The following HEXD variants were observed in gnomAD, a reference collection of about 807,000 sequenced individuals.
The protein encoded by HEXD is hexosaminidase D.
A neutral mutation model predicts 54.2 loss-of-function variants in HEXD; 47 were observed. The observed-to-expected ratio is 0.87, with a 90% CI of 0.69 to 1.11. HEXD has a LOEUF of 1.11. Among genes scored for constraint, HEXD ranks in the 50% least tolerant of loss-of-function variants. The pLI is 0.00. For synonymous variants in HEXD, 293 were observed against 287.6 expected, an observed-to-expected ratio of 1.02 and a Z score of -0.19; for missense variants, 576 against 649.2, an observed-to-expected ratio of 0.89 and a Z score of 1.23.
intron 9 of HEXD, 129 bp downstream of exon 9, chr17:82,439,842 C>T (rs2053878492): frequency 2.6e-6 from 4 of 1,560,000 alleles, no homozygotes; most frequent in South Asian, 1.1e-5. Flanking sequence ...GGAGGATGGT[C>T]TCACCGCCCC....
At chr17:82,432,102 C>T (rs1405930762) in intron 4 of HEXD, among the ~76,000 whole-genome samples, 1 of 152,154 alleles carries the variant, frequency 6.6e-6, no homozygotes, top group Non-Finnish European at 1.5e-5. Flanking sequence ...AGGGTTTGGG[C>T]AGAGGTTGTG....
chr17:82,436,766 T>G, intron 7 of HEXD, 28 bp downstream of exon 7: 2 of 1,599,396 alleles, frequency 1.3e-6, no homozygotes, highest in Non-Finnish European at 1.7e-6. Context: ...GGGGGTGTGT[T>G]GTCCTGGCCA....
At chr17:82,425,077 A>AAGGCTGGAGG (rs2053365518) in intron 3 of HEXD, among the ~76,000 whole-genome samples, 2 of 127,236 alleles carry the variant, frequency 1.6e-5, no homozygotes, top group Admixed American at 7.9e-5. Context: ...AAGGCTGGAG[A>AAGGCTGGAGG]AGGCTGGAGG....
intron 3 of HEXD, among the ~76,000 whole-genome samples, chr17:82,427,665 C>T (rs972661116): frequency 2.6e-5 from 4 of 152,148 alleles, no homozygotes; most frequent in African/African-American, 7.2e-5. Context: ...AGTAAAGTAC[C>T]AGGGTTCCTT....
rs764512990 is a variant in HEXD at position 82,442,459 on chromosome 17, G to A, written c.*75G>A. ...CACTGCCAAATGGCCTGGGCAATACGGGCCCACGTGGGCGTCGTGCCCTCT... is the reference window on the plus strand; with the variant it reads ...CACTGCCAAATGGCCTGGGCAATACAGGCCCACGTGGGCGTCGTGCCCTCT... On this transcript the variant is annotated 3_prime_UTR_variant, in exon 13 of 13. Coordinates refer to ENST00000327949, the MANE Select transcript of HEXD (RefSeq NM_001330542.2). This position sits in a 1 kb window ranked among gnomAD's most constrained non-coding sequence, Gnocchi z 6.8. The A allele has an allele frequency of 7.5e-6, 12 of 1,608,082 alleles. No homozygotes were observed. Among genetic ancestry groups the A allele is most frequent in the East Asian group, 4.5e-5 (2 of 44,628 alleles).
At chr17:82,424,923 A>AGAGAAGGCTG (rs766213754) in intron 3 of HEXD, among the ~76,000 whole-genome samples, 12 of 151,878 alleles carry the variant, frequency 7.9e-5, no homozygotes, top group African/African-American at 1.7e-4. Context: ...GGAGAAGGCT[A>AGAGAAGGCTG]GAGAAGGCTG....
At chr17:82,426,840 A>AT (rs1335451555) in intron 3 of HEXD, 1 of 152,010 alleles carries the variant, frequency 6.6e-6, no homozygotes, top group Non-Finnish European at 1.5e-5. Context: ...AAATACAAAA[A>AT]TTAGCTGGGC....
In HEXD at chr17:82,418,443, T is replaced by C; in HGVS notation, c.-349T>C. On this transcript the variant is annotated 5_prime_UTR_variant, in exon 1 of 13. Coordinates refer to ENST00000327949, the MANE Select transcript of HEXD (RefSeq NM_001330542.2). ...CGGTTCCGGCGCTCGGCCGCTCCGT[T>C]GCCCTCGGGCGCCTTGGTTGCGGCC... 6.8e-7 allele frequency: 1 copy of C among 1,477,596 alleles called. No individual in the cohort carries two copies. The highest frequency in any genetic ancestry group is 8.9e-7 in the Non-Finnish European group (1 of 1,120,144). The allele number at this position is 1,477,596 out of a possible 1,614,324, so 91.5% of individuals were successfully genotyped here.
At position 82,418,503 on chromosome 17, in the gene HEXD, G is replaced by C. The variant is rs1485326212; in HGVS notation, c.-289G>C. ...GGAGCCATCGGACCAGGCCGCCGCG[G>C]AGCCGGGCCGGACGCGGGCGCCAGG... On this transcript the variant is annotated 5_prime_UTR_variant, in exon 1 of 13. Coordinates refer to ENST00000327949, the MANE Select transcript of HEXD (RefSeq NM_001330542.2). 1.5e-6 allele frequency: 2 copies of C among 1,340,228 alleles called. No individual in the cohort carries two copies. The highest frequency in any genetic ancestry group is 1.5e-5 in the African/African-American group (1 of 64,920). 83.0% of individuals were successfully genotyped at this position (1,340,228 alleles called of 1,614,324 possible). A position where few individuals can be genotyped will look rare whatever the true frequency, so the allele number is the denominator to read the frequency against.
chr17:82,437,241 G>T lies in HEXD; in HGVS notation c.777G>T (p.Thr259=), dbSNP rs752174503. ...LWAASAFKGA[T]GPSQAVPPVE... ...CAGCCAGTGCCTTCAAGGGTGCCAC[G>T]GGGCCCAGCCAGGCCGTGCCCCCTG... Residue 259 remains threonine, a synonymous_variant, in exon 8 of 13, where the codon ACG becomes ACT. Coordinates refer to ENST00000327949, the MANE Select transcript of HEXD (RefSeq NM_001330542.2). The T allele has an allele frequency of 6.2e-7, 1 of 1,611,050 alleles. No homozygotes were observed. The highest frequency in any genetic ancestry group is 1.3e-5 in the African/African-American group (1 of 74,892).
At position 82,419,743 on chromosome 17, in the gene HEXD, C is replaced by A; in HGVS notation, c.-51-6C>A. 1 of 1,093,642 alleles carries A rather than the reference C, an allele frequency of 9.1e-7. No homozygotes were observed. Among genetic ancestry groups the A allele is most frequent in the East Asian group, 2.4e-5 (1 of 41,184 alleles). The allele number at this position is 1,093,642 out of a possible 1,614,324, so 67.7% of individuals were successfully genotyped here. On this transcript the variant is annotated splice_polypyrimidine_tract_variant and splice_region_variant and intron_variant, in intron 1 of 12. Coordinates refer to ENST00000327949, the MANE Select transcript of HEXD (RefSeq NM_001330542.2). ...CCTGTTGATAACTCTTGATTTTCTC[C>A]ACTAGGAAGAAGTCCCCAAGGAGAC...
intron 4 of HEXD, among the ~76,000 whole-genome samples, chr17:82,431,052 G>A (rs113245404): frequency 0.018 from 2,809 of 152,168 alleles, 98 homozygotes; most frequent in African/African-American, 0.065. Context: ...AGGCTGGAGC[G>A]CGTGGTACAA....
At chr17:82,440,299 C>T (rs1176194293) in intron 9 of HEXD, 22 of 1,267,942 alleles carry the variant, frequency 1.7e-5, no homozygotes, top group Middle Eastern at 3.1e-4. Context: ...GAGCGGGACC[C>T]GCAGGCGCGG....
chr17:82,423,827 AAG>A (rs202071866), intron 2 of HEXD, among the ~76,000 whole-genome samples: 37 of 151,148 alleles, frequency 2.4e-4, no homozygotes, highest in African/African-American at 8.7e-4. Flanking sequence ...AAAAAAAAAA[AAG>A]AGAGAAAGAC....
chr17:82,428,426 G>A (rs2053481976), intron 3 of HEXD, 132 bp from the exon 4 acceptor site: 3 of 676,624 alleles, frequency 4.4e-6, no homozygotes, highest in East Asian at 2.6e-5. Flanking sequence ...TACCTGTCAA[G>A]CTTTGTGGAG....
In HEXD at chr17:82,418,482, C is replaced by T. The variant is rs1178267200; in HGVS notation, c.-310C>T. 3 of 1,450,680 alleles carry T rather than the reference C, an allele frequency of 2.1e-6. No individual in the cohort carries two copies. Among genetic ancestry groups the T allele is most frequent in the South Asian group, 2.7e-5 (2 of 75,454 alleles). 89.9% of individuals were successfully genotyped at this position (1,450,680 alleles called of 1,614,324 possible). ...TTGGTTGCGGCCCTCCGCTGAGGAG[C>T]CATCGGACCAGGCCGCCGCGGAGCC... On this transcript the variant is annotated 5_prime_UTR_variant, in exon 1 of 13. Transcript: ENST00000327949.
At chr17:82,436,066 G>A (rs1440914382) in intron 6 of HEXD, among the ~76,000 whole-genome samples, 194 bp downstream of exon 6, 1 of 152,268 alleles carries the variant, frequency 6.6e-6, no homozygotes, top group East Asian at 1.9e-4. Flanking sequence ...GGTTTGGGCA[G>A]GAGAGCACAG....
Position 82,440,420 on chromosome 17 carries a change from A to G in HEXD, c.983-577A>G, listed in dbSNP as rs1483430507. ...AAAGGGGCAGAAACGATAAAAACAGACACCCCTGTACCCCACACTAAAGAG... is the reference window on the plus strand; with the variant it reads ...AAAGGGGCAGAAACGATAAAAACAGGCACCCCTGTACCCCACACTAAAGAG... On this transcript the variant is annotated intron_variant, in intron 9 of 12. Coordinates refer to ENST00000327949, the MANE Select transcript of HEXD (RefSeq NM_001330542.2). The G allele has an allele frequency of 4.6e-5, 36 of 777,306 alleles. No homozygotes were observed. In the South Asian group the frequency reaches 6.0e-4, roughly 13 times the overall value. The allele number at this position is 777,306 out of a possible 1,614,324, so 48.2% of individuals were successfully genotyped here.
Position 82,433,092 on chromosome 17 carries a change from ATATATATATATATATATATATAT to A in HEXD, c.283-565_283-543del, listed in dbSNP as rs1373068501. ...AAAAAAAAAAGAAAAAAAAAAAAAA[ATATATATATATATATATATATAT>A]ATATATATATATATTTTTTTTTTTT... On this transcript the variant is annotated intron_variant, in intron 4 of 12. Coordinates refer to ENST00000327949, the MANE Select transcript of HEXD (RefSeq NM_001330542.2). Among the ~76,000 whole-genome samples the A allele has an allele frequency of 4.8e-4, 5 of 10,340 alleles. 1 individual carries two copies. Among genetic ancestry groups the A allele is most frequent in the Non-Finnish European group, 7.3e-4 (5 of 6,824 alleles). The allele number at this position is 10,340 out of a possible 152,430, so 6.8% of individuals were successfully genotyped here. A position where few individuals can be genotyped will look rare whatever the true frequency, so the allele number is the denominator to read the frequency against.
Sources: gnomAD v4.1 joint callset for allele counts (sites outside exome capture counted in the v4.1 genomes callset) on GRCh38, gnomAD v4.1.1 for gene constraint, Gnocchi (gnomAD v3.1) non-coding constraint, MANE v1.5 for transcripts, NCBI Gene and HGNC (gene_info 2026-07-23, HGNC 2026-07-21) for gene names.